Variants in JARID2 observed in about 807,000 individuals in gnomAD.
JARID2 encodes protein Jumonji.
A neutral mutation model predicts 125.6 loss-of-function variants in JARID2; 21 were observed. The ratio of observed to expected loss-of-function variants is 0.17; its 90% confidence interval spans 0.12 to 0.24. JARID2 has a LOEUF of 0.24. JARID2 is among the 10% of genes least tolerant of loss of function. JARID2 has a pLI of 1.00. For synonymous variants in JARID2, 736 were observed against 661.6 expected, an observed-to-expected ratio of 1.11 and a Z score of -1.73; for missense variants, 1,303 against 1,639.6, an observed-to-expected ratio of 0.79 and a Z score of 3.55.
chr6:15,274,224 C>T (rs906156265), intron 1 of JARID2, among the ~76,000 whole-genome samples: 6 of 152,184 alleles, frequency 3.9e-5, no homozygotes, highest in Non-Finnish European at 7.3e-5. Flanking sequence ...GCCACTGTGC[C>T]TGGCCTGCTT....
chr6:15,256,177 T>G (rs913288087), intron 1 of JARID2, among the ~76,000 whole-genome samples: 1 of 152,246 alleles, frequency 6.6e-6, no homozygotes, highest in African/African-American at 2.4e-5. Flanking sequence ...ACATCAGGCC[T>G]GCCGGCGGCC....
chr6:15,329,373 G>C (rs1036578119), intron 1 of JARID2, among the ~76,000 whole-genome samples: 1 of 152,090 alleles, frequency 6.6e-6, no homozygotes, highest in African/African-American at 2.4e-5. Flanking sequence ...CAGGGGTAGG[G>C]TTTATAGGGA....
intron 7 of JARID2, among the ~76,000 whole-genome samples, chr6:15,497,554 G>A (rs964681270): frequency 6.6e-6 from 1 of 151,884 alleles, no homozygotes; most frequent in Non-Finnish European, 1.5e-5. Context: ...GAGAGGCTGA[G>A]GCAGGAGAAT....
At chr6:15,270,672 T>C (rs758023914) in intron 1 of JARID2, among the ~76,000 whole-genome samples, 1 of 152,144 alleles carries the variant, frequency 6.6e-6, no homozygotes, top group Admixed American at 6.5e-5. Context: ...CCAGAGGCCA[T>C]GCATGGTGGT....
chr6:15,475,116 G>T (rs960493887), intron 5 of JARID2, among the ~76,000 whole-genome samples: 1 of 152,158 alleles, frequency 6.6e-6, no homozygotes, highest in African/African-American at 2.4e-5. Context: ...TTTCACTGAG[G>T]TCCATTTCTC....
intron 3 of JARID2, among the ~76,000 whole-genome samples, chr6:15,433,572 G>T (rs1167130828): frequency 6.6e-6 from 1 of 151,950 alleles, no homozygotes; most frequent in Non-Finnish European, 1.5e-5. Flanking sequence ...ATTTAATCTT[G>T]GATTTCCTTT....
rs887461501 is a variant in JARID2 at position 15,520,806 on chromosome 6, C to T, written c.*555C>T. 12 of 455,716 alleles carry T rather than the reference C, an allele frequency of 2.6e-5. No homozygotes were observed. Among genetic ancestry groups the T allele is most frequent in the African/African-American group, 6.0e-5 (3 of 50,002 alleles). The allele number at this position is 455,716 out of a possible 1,614,324, so 28.2% of individuals were successfully genotyped here. ...GGCACCCCCGTTTTGTTTCTCTGGG[C>T]GGTTGTGGCAGCTGAAGGCGGACGT... On this transcript the variant is annotated 3_prime_UTR_variant, in exon 18 of 18. Coordinates refer to ENST00000341776, the MANE Select transcript of JARID2 (RefSeq NM_004973.4).
intron 1 of JARID2, among the ~76,000 whole-genome samples, chr6:15,354,570 G>T (rs1288964055): frequency 2.0e-5 from 3 of 152,146 alleles, no homozygotes; most frequent in African/African-American, 7.2e-5. Context: ...AACTTTCAGT[G>T]TATTATATAC....
At chr6:15,348,796 T>C (rs1225623111) in intron 1 of JARID2, among the ~76,000 whole-genome samples, 2 of 152,246 alleles carry the variant, frequency 1.3e-5, no homozygotes, top group Admixed American at 1.3e-4. Context: ...TGGGGAGCTC[T>C]AACCAGAGTA....
chr6:15,283,551 C>G (rs370871862), intron 1 of JARID2, among the ~76,000 whole-genome samples: 1 of 150,914 alleles, frequency 6.6e-6, no homozygotes, highest in Non-Finnish European at 1.5e-5. Context: ...ACCGTGTTAG[C>G]CAGGACGGTC....
At position 15,296,265 on chromosome 6, in the gene JARID2, G is replaced by A. The variant is rs541762638; in HGVS notation, c.45+49681G>A. On this transcript the variant is annotated intron_variant, in intron 1 of 17. Coordinates refer to ENST00000341776, the MANE Select transcript of JARID2 (RefSeq NM_004973.4). Reference sequence around the variant, plus strand: ...GTTGCTGCACTTGGGCATTTGTAGCGTGCATTCTAATAGAATCATTTTGGG... The same window carrying A: ...GTTGCTGCACTTGGGCATTTGTAGCATGCATTCTAATAGAATCATTTTGGG... Among the ~76,000 whole-genome samples the A allele has an allele frequency of 5.3e-5, 8 of 152,178 alleles. No individual in the cohort carries two copies. In the East Asian group the frequency reaches 1.4e-3, roughly 26 times the overall value.
intron 2 of JARID2, among the ~76,000 whole-genome samples, chr6:15,381,180 T>C (rs1348637581): frequency 2.0e-5 from 3 of 150,630 alleles, no homozygotes; most frequent in Non-Finnish European, 3.0e-5. Context: ...GGTGAAACCC[T>C]GTCTCTACTA....
At chr6:15,400,763 C>T in intron 2 of JARID2, 1 of 982,612 alleles carries the variant, frequency 1.0e-6, no homozygotes, top group African/African-American at 1.7e-5. Flanking sequence ...GGCTGCCTCC[C>T]CTCCCCCTCG....
In JARID2 at chr6:15,426,074, C is replaced by T. The variant is rs6917642; in HGVS notation, c.323+15709C>T. Among the ~76,000 whole-genome samples the T allele has an allele frequency of 7.2e-3, 1,100 of 152,206 alleles. 14 individuals carry two copies. Among genetic ancestry groups the T allele is most frequent in the African/African-American group, 0.025 (1,046 of 41,518 alleles). On this transcript the variant is annotated intron_variant, in intron 3 of 17. Coordinates refer to ENST00000341776, the MANE Select transcript of JARID2 (RefSeq NM_004973.4). ...TTTCTGTGAACATGGTAGCTGGGTG[C>T]AGTGCAGTTATAGTAATAACATGAT... is the stretch of plus-strand genomic sequence containing the variant.
At chr6:15,433,921 G>GGGGT (rs1380689957) in intron 3 of JARID2, among the ~76,000 whole-genome samples, 22 of 131,380 alleles carry the variant, frequency 1.7e-4, no homozygotes, top group Admixed American at 9.3e-4. Flanking sequence ...CACTCTCCAG[G>GGGGT]GTGTGTGTGT....
intron 2 of JARID2, among the ~76,000 whole-genome samples, chr6:15,395,818 C>A (rs1158544890): frequency 6.6e-6 from 1 of 151,910 alleles, no homozygotes; most frequent in African/African-American, 2.4e-5. Flanking sequence ...GTGTGCACCA[C>A]CATGCCTGGC....
intron 2 of JARID2, among the ~76,000 whole-genome samples, chr6:15,400,278 T>C (rs562661065): frequency 6.6e-6 from 1 of 151,070 alleles, no homozygotes; most frequent in Admixed American, 6.6e-5. Context: ...CCGTGGAAGC[T>C]GGAATCAGAG....
At chr6:15,306,771 G>T (rs1047577667) in intron 1 of JARID2, among the ~76,000 whole-genome samples, 2 of 151,476 alleles carry the variant, frequency 1.3e-5, no homozygotes, top group African/African-American at 4.8e-5. Flanking sequence ...TAAAACCTAG[G>T]AGTAAAACAC....
intron 3 of JARID2, among the ~76,000 whole-genome samples, chr6:15,422,445 G>C (rs1320146723): frequency 6.6e-6 from 1 of 152,198 alleles, no homozygotes; most frequent in Non-Finnish European, 1.5e-5. Context: ...TTCAGTGTCT[G>C]AGGTTGGATA....
Sources: gnomAD v4.1 joint callset for allele counts (sites outside exome capture counted in the v4.1 genomes callset) on GRCh38, gnomAD v4.1.1 for gene constraint, MANE v1.5 for transcripts, NCBI Gene and HGNC (gene_info 2026-07-23, HGNC 2026-07-21) for gene names.